MAPK8IP3: variants seen among roughly 807,000 people sequenced by gnomAD.
The protein encoded by MAPK8IP3 is C-Jun-amino-terminal kinase-interacting protein 3.
A neutral mutation model predicts 157.8 loss-of-function variants in MAPK8IP3; 49 were observed. The observed-to-expected ratio is 0.31, with a 90% CI of 0.25 to 0.39. MAPK8IP3 has a LOEUF of 0.39. MAPK8IP3 is among the 10% of genes least tolerant of loss of function. The pLI, the probability that MAPK8IP3 is intolerant of heterozygous loss-of-function variation, is 1.00. For missense variants in MAPK8IP3, 1,478 were observed against 1,889.4 expected, an observed-to-expected ratio of 0.78 and a Z score of 4.04; for synonymous variants, 897 against 777.7, an observed-to-expected ratio of 1.15 and a Z score of -2.55.
At chr16:1,738,125 T>C (rs1280497251) in intron 4 of MAPK8IP3, among the ~76,000 whole-genome samples, 4 of 92,106 alleles carry the variant, frequency 4.3e-5, no homozygotes, top group Non-Finnish European at 8.2e-5. Context: ...CGTGTGAGCG[T>C]GACTGTCCGT....
At chr16:1,723,561 AGT>A in intron 1 of MAPK8IP3, among the ~76,000 whole-genome samples, 1 of 152,166 alleles carries the variant, frequency 6.6e-6, no homozygotes, top group Non-Finnish European at 1.5e-5. Flanking sequence ...TCAAGGCTGC[AGT>A]GAGTTGTGAT....
At chr16:1,728,318 G>A (rs1455057052) in intron 2 of MAPK8IP3, among the ~76,000 whole-genome samples, 4 of 152,202 alleles carry the variant, frequency 2.6e-5, no homozygotes, top group African/African-American at 7.2e-5. Context: ...AGCCCTCGGC[G>A]TGTGTGAGGG....
rs559321388 is a variant in MAPK8IP3, at chr16:1,730,627, A to T, written c.602+1049A>T. Among the ~76,000 whole-genome samples, 13 of 152,278 alleles carry T rather than the reference A, an allele frequency of 8.5e-5. No individual in the cohort carries two copies. In the East Asian group the frequency reaches 2.3e-3, roughly 27 times the overall value. On this transcript the variant is annotated intron_variant, in intron 4 of 31. Transcript: ENST00000610761. ...GGGAGGGCAAGGAGGGCGGATCATG[A>T]GGTCAGGAGATCGAGACCATCCTGG...
At position 1,768,697 on chromosome 16, in the gene MAPK8IP3, C is replaced by G. The variant is rs373390597; in HGVS notation, c.3893-6C>G. 25 of 1,611,804 alleles carry G rather than the reference C, an allele frequency of 1.6e-5. No homozygotes were observed. The highest frequency in any genetic ancestry group is 1.9e-5 in the Non-Finnish European group (22 of 1,179,360). On this transcript the variant is annotated splice_polypyrimidine_tract_variant and splice_region_variant and intron_variant, in intron 31 of 31. Coordinates refer to ENST00000610761, the MANE Select transcript of MAPK8IP3 (RefSeq NM_001318852.2). ...CCTGGCCGTCACTCTGCTGCTTTGC[C>G]CGCAGGAGACGGAGAGGACGACGAG...
chr16:1,759,135 C>A, intron 10 of MAPK8IP3, 140 bp downstream of exon 10: 1 of 1,140,798 alleles, frequency 8.8e-7, no homozygotes. Flanking sequence ...CTGAGTGAAG[C>A]TCGCTCTGTC....
Position 1,720,816 on chromosome 16 carries a change from C to T in MAPK8IP3, c.319-3741C>T, listed in dbSNP as rs1486746901. ...TTGGGAGGCAGAAGCAGGCGGATCA[C>T]GAGGTCAGGGGATCAAGACCATCCT... On this transcript the variant is annotated intron_variant, in intron 1 of 31. Coordinates refer to ENST00000610761, the MANE Select transcript of MAPK8IP3 (RefSeq NM_001318852.2). Among the ~76,000 whole-genome samples, 8 of 152,266 alleles carry T rather than the reference C, an allele frequency of 5.3e-5. No individual in the cohort carries two copies. In the South Asian group the frequency reaches 6.2e-4, roughly 12 times the overall value.
Position 1,768,921 on chromosome 16 carries a change from C to T in MAPK8IP3, c.*97C>T, listed in dbSNP as rs2042452504. 4 of 1,401,434 alleles carry T rather than the reference C, an allele frequency of 2.9e-6. No homozygotes were observed. Among genetic ancestry groups the T allele is most frequent in the African/African-American group, 1.4e-5 (1 of 70,770 alleles). The allele number at this position is 1,401,434 out of a possible 1,614,324, so 86.8% of individuals were successfully genotyped here. A position where few individuals can be genotyped will look rare whatever the true frequency, so the allele number is the denominator to read the frequency against. ...TAGCCAGCCAGGCGCCGCCGCCCCT[C>T]TTCTAACCTCTCAACCTGCAGCTTT... On this transcript the variant is annotated 3_prime_UTR_variant, in exon 32 of 32. Coordinates refer to ENST00000610761, the MANE Select transcript of MAPK8IP3 (RefSeq NM_001318852.2).
At chr16:1,732,159 T>C (rs1360061613) in intron 4 of MAPK8IP3, among the ~76,000 whole-genome samples, 1 of 152,098 alleles carries the variant, frequency 6.6e-6, no homozygotes, top group Non-Finnish European at 1.5e-5. Context: ...AGGTTGGCGC[T>C]CTCGTTCTGA....
rs574877568 is a variant in MAPK8IP3, at chr16:1,729,289, G to T, written c.510+81G>T. 2.4e-4 allele frequency: 369 copies of T among 1,507,784 alleles called. No individual in the cohort carries two copies. The African/African-American group carries it at 4.5e-3, about 18-fold the overall frequency. The allele number at this position is 1,507,784 out of a possible 1,614,324, so 93.4% of individuals were successfully genotyped here. A position where few individuals can be genotyped will look rare whatever the true frequency, so the allele number is the denominator to read the frequency against. On this transcript the variant is annotated intron_variant, in intron 3 of 31. Transcript: ENST00000610761. ...ACGCCTGCGACTCTTGCGGACCGTG[G>T]TTTTCTTCCCTGGCATGTCCCTTTT... is the stretch of plus-strand genomic sequence containing the variant.
At chr16:1,720,545 G>GT (rs2038446869) in intron 1 of MAPK8IP3, among the ~76,000 whole-genome samples, 1 of 151,946 alleles carries the variant, frequency 6.6e-6, no homozygotes, top group African/African-American at 2.4e-5. Context: ...CAAGATGATC[G>GT]TACATCTGCT....
In MAPK8IP3 at chr16:1,768,397, T is replaced by A; in HGVS notation, c.3742+19T>A. ...GTGCCAGGTGAGGCTGGGCCCCTCCTGCCATCCACATCCCCTGCATGCCAG... is the reference window on the plus strand; with the variant it reads ...GTGCCAGGTGAGGCTGGGCCCCTCCAGCCATCCACATCCCCTGCATGCCAG... On this transcript the variant is annotated intron_variant, in intron 30 of 31. Transcript: ENST00000610761. The A allele has an allele frequency of 6.3e-7, 1 of 1,598,300 alleles. No homozygotes were observed. Among genetic ancestry groups the A allele is most frequent in the Non-Finnish European group, 8.5e-7 (1 of 1,178,830 alleles).
chr16:1,724,956 C>T lies in MAPK8IP3; in HGVS notation c.439+279C>T, dbSNP rs1484832493. Among the ~76,000 whole-genome samples, 1 of 152,144 alleles carries T rather than the reference C, an allele frequency of 6.6e-6. No individual in the cohort carries two copies. Among genetic ancestry groups the T allele is most frequent in the East Asian group, 1.9e-4 (1 of 5,182 alleles). ...TCACAAGTCTGTGGTCCTGAAGGTC[C>T]TTCCTGAATCTTTTGAACAGAGCTC... On this transcript the variant is annotated intron_variant, in intron 2 of 31. Transcript: ENST00000610761. This position sits in a 1 kb window ranked among gnomAD's most constrained non-coding sequence, Gnocchi z 4.1.
At chr16:1,758,117 C>T (rs753506488) in intron 8 of MAPK8IP3, 31 bp from the exon 9 acceptor site, 3 of 1,613,098 alleles carry the variant, frequency 1.9e-6, no homozygotes, top group African/African-American at 1.3e-5. Flanking sequence ...CTTCCTTCCC[C>T]TGCCTCTCTG....
chr16:1,714,780 A>C (rs889580441), intron 1 of MAPK8IP3, among the ~76,000 whole-genome samples: 1 of 152,098 alleles, frequency 6.6e-6, no homozygotes, highest in Non-Finnish European at 1.5e-5. Context: ...TTGGCTACTG[A>C]GAAGAGTGAA....
At position 1,765,137 on chromosome 16, in the gene MAPK8IP3, C is replaced by G; in HGVS notation, c.2405C>G (p.Thr802Ser). 1 of 1,611,412 alleles carries G rather than the reference C, an allele frequency of 6.2e-7. No homozygotes were observed. Among genetic ancestry groups the G allele is most frequent in the Non-Finnish European group, 8.5e-7 (1 of 1,178,824 alleles). Residue 802 changes from threonine (T) to serine (S), a missense_variant, in exon 20 of 32, where the codon ACC becomes AGC. Physicochemically the swap from Thr to Ser is moderately conservative, Grantham distance 58. Coordinates refer to ENST00000610761, the MANE Select transcript of MAPK8IP3 (RefSeq NM_001318852.2). ...CCGGGCACGGTGGTGGACCAGTTCACCGTCTGCAACGCGCACGTGCTGTGC... is the reference window on the plus strand; with the variant it reads ...CCGGGCACGGTGGTGGACCAGTTCAGCGTCTGCAACGCGCACGTGCTGTGC... ...NQPGTVVDQF[T>S]VCNAHVLCIS...
chr16:1,764,556 G>T, intron 19 of MAPK8IP3, 97 bp downstream of exon 19: 4 of 1,480,452 alleles, frequency 2.7e-6, no homozygotes, highest in Non-Finnish European at 3.6e-6. Flanking sequence ...GACAGCTGGG[G>T]ACAGCACCCG....
intron 13 of MAPK8IP3, among the ~76,000 whole-genome samples, chr16:1,761,564 A>G (rs8048693): frequency 0.45 from 54,373 of 119,998 alleles, 13,118 homozygotes; most frequent in South Asian, 0.61. Flanking sequence ...CCATTCACAC[A>G]CAGGGCGACC....
chr16:1,720,261 C>A (rs1446418370), intron 1 of MAPK8IP3, among the ~76,000 whole-genome samples: 1 of 152,182 alleles, frequency 6.6e-6, no homozygotes, highest in African/African-American at 2.4e-5. Flanking sequence ...GTCTTGAACT[C>A]CTGACCTCAG....
At chr16:1,713,863 G>A (rs897172735) in intron 1 of MAPK8IP3, 4 of 152,176 alleles carry the variant, frequency 2.6e-5, no homozygotes, top group Admixed American at 2.6e-4. Context: ...AATTTGATGA[G>A]TTTTGAAATA....
Sources: gnomAD v4.1 joint callset for allele counts (sites outside exome capture counted in the v4.1 genomes callset) on GRCh38, gnomAD v4.1.1 for gene constraint, Gnocchi (gnomAD v3.1) non-coding constraint, MANE v1.5 for transcripts, NCBI Gene and HGNC (gene_info 2026-07-23, HGNC 2026-07-21) for gene names.